Variants in KCNAB1 observed in about 807,000 individuals in gnomAD.
KCNAB1 encodes the protein voltage-gated potassium channel subunit beta-1.
Under a neutral mutation model 64.6 loss-of-function variants are expected in KCNAB1, and 35 were observed. The ratio of observed to expected loss-of-function variants is 0.54; its 90% CI spans 0.41 to 0.72. The LOEUF (loss-of-function observed/expected upper bound fraction) is 0.72. KCNAB1 is among the 30% of genes least tolerant of loss of function. The pLI is 0.00. For synonymous variants in KCNAB1, 177 were observed against 183.8 expected (o/e 0.96, Z 0.30); for missense variants, 401 against 512.9 (o/e 0.78, Z 2.11).
intron 1 of KCNAB1, chr3:156,176,777 CAAA>C (rs773220663): frequency 9.9e-4 from 876 of 885,624 alleles, no homozygotes; most frequent in Non-Finnish European, 1.5e-3. Flanking sequence ...CTGCTTGCAG[CAAA>C]GCTCCTGGCG....
At chr3:156,305,712 G>A (rs1381202138) in intron 1 of KCNAB1, among the ~76,000 whole-genome samples, 1 of 152,168 alleles carries the variant, frequency 6.6e-6, no homozygotes, top group Non-Finnish European at 1.5e-5. Context: ...TCTCAAATTT[G>A]CATAGGTTAC....
chr3:156,159,835 G>T (rs944574607), intron 1 of KCNAB1, among the ~76,000 whole-genome samples: 2 of 152,186 alleles, frequency 1.3e-5, no homozygotes, highest in Non-Finnish European at 2.9e-5. Context: ...CAATAGAATT[G>T]TTCAAATCAA....
intron 1 of KCNAB1, among the ~76,000 whole-genome samples, chr3:156,410,720 TC>T (rs1381908971): frequency 6.6e-6 from 1 of 152,218 alleles, no homozygotes; most frequent in Non-Finnish European, 1.5e-5. Flanking sequence ...GTAAGTGGAA[TC>T]ATACAATATT....
chr3:156,485,616 G>A (rs143820258), intron 8 of KCNAB1, among the ~76,000 whole-genome samples: 3 of 151,468 alleles, frequency 2.0e-5, no homozygotes, highest in Admixed American at 1.3e-4. Context: ...TTTTAGATTC[G>A]GGGGTACATG....
intron 7 of KCNAB1, among the ~76,000 whole-genome samples, chr3:156,474,344 T>A (rs547006455): frequency 8.3e-4 from 127 of 152,362 alleles, no homozygotes; most frequent in Non-Finnish European, 1.5e-3. Flanking sequence ...ACTATAAGCC[T>A]ATTAAGTGAT....
At chr3:156,509,512 T>A (rs1356828447) in intron 8 of KCNAB1, among the ~76,000 whole-genome samples, 1 of 152,190 alleles carries the variant, frequency 6.6e-6, no homozygotes, top group Non-Finnish European at 1.5e-5. Context: ...TAAATTATTA[T>A]CGATGCTGGG....
chr3:156,356,147 AAAG>A (rs921789674), intron 1 of KCNAB1, among the ~76,000 whole-genome samples: 1 of 150,442 alleles, frequency 6.6e-6, no homozygotes, highest in Non-Finnish European at 1.5e-5. Context: ...AAAGAAAAGA[AAAG>A]AAAGAGAGAG....
intron 1 of KCNAB1, among the ~76,000 whole-genome samples, chr3:156,249,512 C>T (rs556564034): frequency 8.0e-5 from 12 of 150,466 alleles, no homozygotes; most frequent in African/African-American, 2.9e-4. Flanking sequence ...GCAGAGGTTG[C>T]AGTTGTGCCA....
intron 6 of KCNAB1, 97 bp from the exon 7 acceptor site, chr3:156,465,546 A>G: frequency 9.3e-7 from 1 of 1,069,722 alleles, no homozygotes; most frequent in Non-Finnish European, 1.4e-6. Flanking sequence ...AGAATTTGAT[A>G]AGAACAGGGT....
chr3:156,230,841 A>T (rs1716478347), intron 1 of KCNAB1, among the ~76,000 whole-genome samples: 1 of 152,240 alleles, frequency 6.6e-6, no homozygotes, highest in African/African-American at 2.4e-5. Flanking sequence ...ATATATCAGT[A>T]AAAAGGTTTA....
intron 1 of KCNAB1, among the ~76,000 whole-genome samples, chr3:156,317,934 C>T (rs74385388): frequency 0.031 from 4,722 of 152,206 alleles, 252 homozygotes; most frequent in African/African-American, 0.11. Context: ...TATGCTAATT[C>T]CCATTCAACT....
intron 8 of KCNAB1, among the ~76,000 whole-genome samples, chr3:156,483,102 C>T (rs1190254422): frequency 6.6e-6 from 1 of 152,102 alleles, no homozygotes; most frequent in Non-Finnish European, 1.5e-5. Flanking sequence ...ACACACAGTG[C>T]TCATGTGACC....
intron 13 of KCNAB1, among the ~76,000 whole-genome samples, chr3:156,533,977 G>T (rs1173863819): frequency 6.6e-6 from 1 of 152,130 alleles, no homozygotes. Context: ...TTCCTCCCTA[G>T]CAAGGCTTTG....
intron 1 of KCNAB1, among the ~76,000 whole-genome samples, chr3:156,305,036 AG>A (rs1408607389): frequency 4.6e-5 from 7 of 151,946 alleles, no homozygotes; most frequent in African/African-American, 1.7e-4. Flanking sequence ...TACTAGCTAA[AG>A]GGACTCGAGT....
At chr3:156,188,093 T>A (rs2108356818) in intron 1 of KCNAB1, among the ~76,000 whole-genome samples, 1 of 152,340 alleles carries the variant, frequency 6.6e-6, no homozygotes, top group South Asian at 2.1e-4. Flanking sequence ...GAGAGCATTC[T>A]CACGTTCCCT....
downstream of KCNAB1, chr3:156,539,005 A>G (rs1360006796): frequency 7.5e-6 from 1 of 132,636 alleles, no homozygotes; most frequent in African/African-American, 3.0e-5. Flanking sequence ...CATGGTAAAT[A>G]TACTAATGTA....
chr3:156,169,647 T>C (rs1017574295), intron 1 of KCNAB1, among the ~76,000 whole-genome samples: 7 of 152,182 alleles, frequency 4.6e-5, no homozygotes, highest in Non-Finnish European at 7.3e-5. Context: ...GAGTGGTTTC[T>C]AATGGTCAGC....
In KCNAB1 at chr3:156,345,435, T is replaced by A. The variant is rs558844017; in HGVS notation, c.276-76181T>A. Reference sequence around the variant, plus strand: ...TTATGGCTGGTATCTATCTCCGAGGTTAACATTGTATTATGGCCTACAAAG... The same window carrying A: ...TTATGGCTGGTATCTATCTCCGAGGATAACATTGTATTATGGCCTACAAAG... On this transcript the variant is annotated intron_variant, in intron 1 of 13. Transcript: ENST00000490337. Among the ~76,000 whole-genome samples the A allele has an allele frequency of 7.2e-5, 11 of 152,332 alleles. No individual in the cohort carries two copies. In the South Asian group the frequency reaches 2.3e-3, roughly 32 times the overall value.
intron 1 of KCNAB1, among the ~76,000 whole-genome samples, chr3:156,224,669 A>G (rs1425792117): frequency 6.6e-6 from 1 of 152,244 alleles, no homozygotes; most frequent in African/African-American, 2.4e-5. Context: ...AATAAAATTG[A>G]TAGACCATTA....
Sources: gnomAD v4.1 joint callset for allele counts (sites outside exome capture counted in the v4.1 genomes callset) on GRCh38, gnomAD v4.1.1 for gene constraint, MANE v1.5 for transcripts, NCBI Gene and HGNC (gene_info 2026-07-23, HGNC 2026-07-21) for gene names.